The following KCNIP4 variants were observed in gnomAD, a reference collection of about 807,000 sequenced individuals.
The protein encoded by KCNIP4 is Kv channel-interacting protein 4.
KCNIP4 carries 12 observed loss-of-function variants against 34.0 expected under a neutral mutation model. The observed-to-expected ratio is 0.35, with a 90% CI of 0.23 to 0.57. The LOEUF is 0.57. KCNIP4 is among the 20% of genes least tolerant of loss of function. KCNIP4 has a pLI of 0.83. For synonymous variants in KCNIP4, 124 were observed against 102.2 expected (o/e 1.21, Z -1.29); for missense variants, 238 against 311.7 (o/e 0.76, Z 1.78).
At chr4:20,937,021 C>T (rs1731138565) in intron 1 of KCNIP4, among the ~76,000 whole-genome samples, 1 of 151,942 alleles carries the variant, frequency 6.6e-6, no homozygotes, top group Admixed American at 6.6e-5. Flanking sequence ...GTCCGTTCTA[C>T]TCTCCAGTAC....
At chr4:21,352,461 A>T (rs969326464) in intron 1 of KCNIP4, among the ~76,000 whole-genome samples, 5 of 152,258 alleles carry the variant, frequency 3.3e-5, no homozygotes, top group African/African-American at 1.2e-4. Flanking sequence ...CAACTGGCAG[A>T]CCAGGAGATT....
intron 1 of KCNIP4, among the ~76,000 whole-genome samples, chr4:21,679,443 C>T (rs545721802): frequency 8.1e-4 from 121 of 149,986 alleles, no homozygotes; most frequent in African/African-American, 2.8e-3. Context: ...CCTAGCAATG[C>T]ATTCATCTCT....
At chr4:21,605,895 T>C (rs1347176706) in intron 1 of KCNIP4, among the ~76,000 whole-genome samples, 1 of 152,212 alleles carries the variant, frequency 6.6e-6, no homozygotes, top group African/African-American at 2.4e-5. Context: ...TTAGTGGCTC[T>C]GAGTAGACGC....
intron 1 of KCNIP4, among the ~76,000 whole-genome samples, chr4:20,905,522 T>TTTTG (rs1553914023): frequency 9.5e-4 from 106 of 111,256 alleles, no homozygotes; most frequent in South Asian, 2.3e-3. Context: ...TTTTTTTTTT[T>TTTTG]TTTGTTTGAG....
chr4:21,703,034 A>G (rs1712981967), intron 1 of KCNIP4, among the ~76,000 whole-genome samples: 2 of 152,018 alleles, frequency 1.3e-5, no homozygotes, highest in African/African-American at 4.8e-5. Context: ...AAAAAAAAGC[A>G]TATGACAAAA....
intron 3 of KCNIP4, among the ~76,000 whole-genome samples, chr4:20,797,386 C>T (rs976905334): frequency 1.1e-4 from 16 of 152,278 alleles, no homozygotes; most frequent in African/African-American, 3.8e-4. Flanking sequence ...TCTACTGCAA[C>T]AGTCTTCCAT....
At chr4:20,803,158 C>G (rs1714575961) in intron 3 of KCNIP4, among the ~76,000 whole-genome samples, 1 of 148,804 alleles carries the variant, frequency 6.7e-6, no homozygotes, top group African/African-American at 2.5e-5. Context: ...GCAGCCAAAC[C>G]ATTTCTAAGA....
chr4:21,526,324 G>A lies in KCNIP4; in HGVS notation c.61+422247C>T, dbSNP rs139669286. Among the ~76,000 whole-genome samples the A allele has an allele frequency of 3.8e-3, 579 of 152,088 alleles. 4 individuals carry two copies. Among genetic ancestry groups the A allele is most frequent in the Middle Eastern group, 0.014 (4 of 294 alleles). ...CTGCACATGCTCCCTCTTGCCTGCC[G>A]CCATGTAAGATGTCCCTTTGCTCTT... On this transcript the variant is annotated intron_variant, in intron 1 of 8. Coordinates refer to ENST00000382152, the MANE Select transcript of KCNIP4 (RefSeq NM_025221.6).
At chr4:21,718,278 A>G (rs1714536331) in intron 1 of KCNIP4, among the ~76,000 whole-genome samples, 1 of 152,192 alleles carries the variant, frequency 6.6e-6, no homozygotes, top group South Asian at 2.1e-4. Context: ...ATTTTCTGCA[A>G]AACACAGTTA....
At chr4:21,269,954 A>G (rs551245427) in intron 1 of KCNIP4, among the ~76,000 whole-genome samples, 71 of 152,310 alleles carry the variant, frequency 4.7e-4, no homozygotes, top group African/African-American at 1.6e-3. Context: ...ATCCTAAACT[A>G]TATCTACATT....
intron 1 of KCNIP4, among the ~76,000 whole-genome samples, chr4:21,857,824 G>C (rs2109345873): frequency 1.3e-5 from 2 of 152,302 alleles, no homozygotes; most frequent in South Asian, 4.1e-4. Context: ...CACATTGCAG[G>C]CAACAGGGAG....
chr4:21,323,177 G>GATATATATATATATATAT, intron 1 of KCNIP4, among the ~76,000 whole-genome samples: 1 of 139,510 alleles, frequency 7.2e-6, no homozygotes, highest in African/African-American at 2.9e-5. Context: ...TATATATATG[G>GATATATATATATATATAT]AATACATGAG....
intron 1 of KCNIP4, among the ~76,000 whole-genome samples, chr4:21,309,406 T>C (rs1712878222): frequency 2.6e-5 from 4 of 152,310 alleles, no homozygotes; most frequent in Admixed American, 2.6e-4. Context: ...TTCCATGAGC[T>C]GATTATTAAG....
intron 1 of KCNIP4, among the ~76,000 whole-genome samples, chr4:21,301,860 T>A (rs1339024675): frequency 6.6e-6 from 1 of 152,210 alleles, no homozygotes; most frequent in Non-Finnish European, 1.5e-5. Context: ...CTTCTCACTC[T>A]AAGATTTACT....
At position 21,339,347 on chromosome 4, in the gene KCNIP4, G is replaced by A. The variant is rs1716498628; in HGVS notation, c.62-456638C>T. Among the ~76,000 whole-genome samples, 3 of 152,314 alleles carry A rather than the reference G, an allele frequency of 2.0e-5. No homozygotes were observed. The South Asian group carries it at 6.2e-4, about 32-fold the overall frequency. ...AAGTAACACACGGTTTTAATTCATA[G>A]AATGACAGGTGGAATGATACAGTTT... On this transcript the variant is annotated intron_variant, in intron 1 of 8. Transcript: ENST00000382152.
chr4:21,386,555 T>G (rs967139516), intron 1 of KCNIP4, among the ~76,000 whole-genome samples: 3 of 152,224 alleles, frequency 2.0e-5, no homozygotes, highest in Non-Finnish European at 4.4e-5. Flanking sequence ...TCATAAAATA[T>G]TTCTGAGGAT....
intron 1 of KCNIP4, among the ~76,000 whole-genome samples, chr4:21,769,694 T>G (rs1440677975): frequency 6.6e-6 from 1 of 152,160 alleles, no homozygotes; most frequent in Admixed American, 6.6e-5. Flanking sequence ...TTGTTTTTTC[T>G]GTACTTATAG....
chr4:21,419,904 T>C (rs1179484091), intron 1 of KCNIP4, among the ~76,000 whole-genome samples: 2 of 152,138 alleles, frequency 1.3e-5, no homozygotes, highest in Non-Finnish European at 2.9e-5. Context: ...AATGAAGAAT[T>C]ATAAAGGAGG....
At chr4:21,766,596 T>C (rs1007117159) in intron 1 of KCNIP4, among the ~76,000 whole-genome samples, 17 of 152,168 alleles carry the variant, frequency 1.1e-4, no homozygotes, top group Non-Finnish European at 5.9e-5. Context: ...TAATTTCTCA[T>C]AGTTTAAAAA....
Sources: allele counts gnomAD v4.1 joint callset (sites outside exome capture counted in the v4.1 genomes callset), GRCh38; gene constraint gnomAD v4.1.1; transcripts MANE v1.5; gene names NCBI Gene and HGNC (gene_info 2026-07-23, HGNC 2026-07-21).